RELN: variants seen among roughly 807,000 people sequenced by gnomAD.
The protein encoded by RELN is reelin.
In RELN, 108 loss-of-function variants were observed where a neutral mutation model predicts 427.6. That is an observed-to-expected ratio of 0.25 (90% CI 0.22 to 0.30). RELN has a LOEUF of 0.30. RELN is among the 10% of genes least tolerant of loss of function. RELN has a pLI of 1.00. For missense variants in RELN, 3,715 were observed against 4,302.8 expected, an observed-to-expected ratio of 0.86 and a Z score of 3.82; for synonymous variants, 1,524 against 1,513.4, an observed-to-expected ratio of 1.01 and a Z score of -0.16.
chr7:103,630,392 G>A (rs1178626715), intron 19 of RELN, among the ~76,000 whole-genome samples: 1 of 151,934 alleles, frequency 6.6e-6, no homozygotes, highest in Non-Finnish European at 1.5e-5. Context: ...ATCTGCTTTT[G>A]AAAAAGCTCT....
chr7:103,856,789 T>G (rs1793958389), intron 2 of RELN, among the ~76,000 whole-genome samples: 1 of 152,066 alleles, frequency 6.6e-6, no homozygotes, highest in Non-Finnish European at 1.5e-5. Context: ...GCCAAATATT[T>G]TTTACTAGAT....
At chr7:103,984,264 C>T (rs975938986) in intron 1 of RELN, among the ~76,000 whole-genome samples, 2 of 151,822 alleles carry the variant, frequency 1.3e-5, no homozygotes, top group African/African-American at 4.8e-5. Context: ...GGTAAAATAT[C>T]ACTCTTTTTA....
At chr7:103,560,526 A>G (rs1830619086) in intron 36 of RELN, among the ~76,000 whole-genome samples, 1 of 152,162 alleles carries the variant, frequency 6.6e-6, no homozygotes, top group Non-Finnish European at 1.5e-5. Context: ...AGATCTTTCA[A>G]TCATAAAAAG....
At position 103,640,446 on chromosome 7, in the gene RELN, C is replaced by T; in HGVS notation, c.2069+97G>A. 1 of 1,218,178 alleles carries T rather than the reference C, an allele frequency of 8.2e-7. No individual in the cohort carries two copies. The highest frequency in any genetic ancestry group is 1.2e-6 in the Non-Finnish European group (1 of 828,426). The allele number at this position is 1,218,178 out of a possible 1,614,324, so 75.5% of individuals were successfully genotyped here. A position where few individuals can be genotyped will look rare whatever the true frequency, so the allele number is the denominator to read the frequency against. ...ATCCAACTTTTTGTCTTAAAAAGATCCCCGATCCTAAAAAAGGTTATTAAA... is the reference window on the plus strand; with the variant it reads ...ATCCAACTTTTTGTCTTAAAAAGATTCCCGATCCTAAAAAAGGTTATTAAA... On this transcript the variant is annotated intron_variant, in intron 17 of 64. Coordinates refer to ENST00000428762, the MANE Select transcript of RELN (RefSeq NM_005045.4). This position sits in a 1 kb window ranked among gnomAD's most constrained non-coding sequence, Gnocchi z 4.1.
At chr7:103,964,637 C>T (rs1469614286) in intron 1 of RELN, among the ~76,000 whole-genome samples, 4 of 152,140 alleles carry the variant, frequency 2.6e-5, no homozygotes, top group Non-Finnish European at 5.9e-5. Flanking sequence ...ATTTGCTTCC[C>T]CCTTTTTATG....
chr7:103,694,983 G>A (rs1000353586), intron 10 of RELN, among the ~76,000 whole-genome samples: 3 of 151,938 alleles, frequency 2.0e-5, no homozygotes, highest in Non-Finnish European at 2.9e-5. Context: ...AACTTTTAAT[G>A]AGTAGGTTGA....
At position 103,968,563 on chromosome 7, in the gene RELN, A is replaced by G. The variant is rs919025717; in HGVS notation, c.226+20568T>C. Among the ~76,000 whole-genome samples, 2 of 152,230 alleles carry G rather than the reference A, an allele frequency of 1.3e-5. No individual in the cohort carries two copies. The highest frequency in any genetic ancestry group is 2.9e-5 in the Non-Finnish European group (2 of 68,044). On this transcript the variant is annotated intron_variant, in intron 1 of 64. Transcript: ENST00000428762. The surrounding 1 kb of genome is among the most constrained non-coding windows in gnomAD (Gnocchi z 4.3). Reference sequence around the variant, plus strand: ...AAAAAGAAGAAATTAGATCTCCTCAATGAGAGATCCAAGAAGACAAAGGAT... The same window carrying G: ...AAAAAGAAGAAATTAGATCTCCTCAGTGAGAGATCCAAGAAGACAAAGGAT...
Position 103,542,879 on chromosome 7 carries a change from C to T in RELN, c.6524-1G>A. 1 of 1,613,976 alleles carries T rather than the reference C, an allele frequency of 6.2e-7. No homozygotes were observed. Among genetic ancestry groups the T allele is most frequent in the Non-Finnish European group, 8.5e-7 (1 of 1,179,976 alleles). ...AAGAATCTATCAGATTCTAGCTGACCTGAAAAAATTGGAAAATATGGTTTA... is the reference window on the plus strand; with the variant it reads ...AAGAATCTATCAGATTCTAGCTGACTTGAAAAAATTGGAAAATATGGTTTA... On this transcript the variant is annotated splice_acceptor_variant, in intron 42 of 64. Transcript: ENST00000428762. LOFTEE classifies it high-confidence loss of function.
At chr7:103,645,021 A>C (rs1832770808) in intron 16 of RELN, among the ~76,000 whole-genome samples, 1 of 151,792 alleles carries the variant, frequency 6.6e-6, no homozygotes, top group African/African-American at 2.4e-5. Context: ...TTTGTATTCT[A>C]TTAGAATTAA....
chr7:103,618,603 A>G (rs1832139268), intron 20 of RELN, among the ~76,000 whole-genome samples: 1 of 151,952 alleles, frequency 6.6e-6, no homozygotes, highest in Admixed American at 6.6e-5. Flanking sequence ...CTCTTTTTAT[A>G]CTTTTTGTTC....
intron 8 of RELN, among the ~76,000 whole-genome samples, chr7:103,718,042 T>A (rs887888629): frequency 6.6e-6 from 1 of 152,178 alleles, no homozygotes; most frequent in African/African-American, 2.4e-5. Flanking sequence ...TTTTATCCTT[T>A]ACATCTATTA....
intron 7 of RELN, among the ~76,000 whole-genome samples, chr7:103,724,106 C>T (rs957553999): frequency 2.6e-5 from 4 of 151,900 alleles, no homozygotes; most frequent in African/African-American, 7.3e-5. Flanking sequence ...GTTACTCCAC[C>T]GTATGCAATA....
intron 1 of RELN, among the ~76,000 whole-genome samples, chr7:103,970,146 C>G (rs532788430): frequency 7.0e-6 from 1 of 142,678 alleles, no homozygotes; most frequent in East Asian, 2.0e-4. Flanking sequence ...TCTTTTTTTC[C>G]TTTTTTTTTT....
intron 20 of RELN, among the ~76,000 whole-genome samples, chr7:103,625,572 G>T (rs1167843390): frequency 6.6e-6 from 1 of 152,144 alleles, no homozygotes; most frequent in African/African-American, 2.4e-5. Flanking sequence ...CAGGCTCATG[G>T]TAGGTATTTG....
At chr7:103,774,605 C>T (rs184527276) in intron 4 of RELN, among the ~76,000 whole-genome samples, 2 of 152,198 alleles carry the variant, frequency 1.3e-5, no homozygotes, top group Admixed American at 1.3e-4. Context: ...ATATTCCTTA[C>T]CCAATACATA....
chr7:103,672,136 A>G (rs937993918), intron 11 of RELN, among the ~76,000 whole-genome samples: 8 of 152,178 alleles, frequency 5.3e-5, no homozygotes, highest in Admixed American at 4.6e-4. Context: ...ATTTTTAATA[A>G]AAGTATCAAC....
At chr7:103,756,226 A>G (rs1465837112) in intron 4 of RELN, among the ~76,000 whole-genome samples, 1 of 152,190 alleles carries the variant, frequency 6.6e-6, no homozygotes, top group Non-Finnish European at 1.5e-5. Flanking sequence ...GGAAGCTTTC[A>G]CTGAAACATA....
intron 2 of RELN, among the ~76,000 whole-genome samples, chr7:103,915,454 C>T (rs1258140073): frequency 1.3e-5 from 2 of 150,738 alleles, no homozygotes; most frequent in East Asian, 3.9e-4. Context: ...GGATCAACAT[C>T]ACCTGGAGTG....
intron 3 of RELN, among the ~76,000 whole-genome samples, chr7:103,814,332 G>A (rs1018587637): frequency 1.3e-5 from 2 of 152,172 alleles, no homozygotes; most frequent in African/African-American, 2.4e-5. Flanking sequence ...ACAGATGAAA[G>A]ACGGATCACC....
Sources: allele counts gnomAD v4.1 joint callset (sites outside exome capture counted in the v4.1 genomes callset), GRCh38; gene constraint gnomAD v4.1.1; non-coding constraint Gnocchi (gnomAD v3.1); transcripts MANE v1.5; gene names NCBI Gene and HGNC (gene_info 2026-07-23, HGNC 2026-07-21).